EIF4G3: variants seen among roughly 807,000 people sequenced by gnomAD.
The protein encoded by EIF4G3 is eukaryotic translation initiation factor 4 gamma 3.
A neutral mutation model predicts 186.4 loss-of-function variants in EIF4G3; 34 were observed. That is an observed-to-expected ratio of 0.18 (90% CI 0.14 to 0.24). The LOEUF (loss-of-function observed/expected upper bound fraction) is 0.24. EIF4G3 is among the 10% of genes least tolerant of loss of function. EIF4G3 has a pLI of 1.00. For missense variants in EIF4G3, 1,536 were observed against 1,948.5 expected, an observed-to-expected ratio of 0.79 and a Z score of 3.99; for synonymous variants, 673 against 679.5, an observed-to-expected ratio of 0.99 and a Z score of 0.15.
intron 22 of EIF4G3, 58 bp downstream of exon 22, chr1:20,864,418 G>C: frequency 8.0e-7 from 1 of 1,256,862 alleles, no homozygotes; most frequent in Non-Finnish European, 1.2e-6. Flanking sequence ...GACAGTCTAA[G>C]TTCTTTTGCA....
At chr1:20,938,477 T>C (rs890889044) in intron 14 of EIF4G3, among the ~76,000 whole-genome samples, 1 of 152,168 alleles carries the variant, frequency 6.6e-6, no homozygotes, top group Non-Finnish European at 1.5e-5. Context: ...TTTGAGGTGT[T>C]TCATCCTCAG....
At chr1:20,831,511 C>T (rs543196567) in intron 30 of EIF4G3, among the ~76,000 whole-genome samples, 1 of 151,604 alleles carries the variant, frequency 6.6e-6, no homozygotes, top group African/African-American at 2.4e-5. Flanking sequence ...CTTCTGCCAA[C>T]CTGATCGATT....
rs1263914474 is a variant in EIF4G3, at chr1:21,176,256, G to A, written c.-353C>T. On this transcript the variant is annotated 5_prime_UTR_variant, in exon 2 of 37. Coordinates refer to ENST00000602326, the MANE Select transcript of EIF4G3 (RefSeq NM_001391906.1). Reference sequence around the variant, plus strand: ...TGCCGCCGCCGCCGCCGCCGCCGCCGCCGCCGCCGCTGCTGCCGCCGCCGG... The same window carrying A: ...TGCCGCCGCCGCCGCCGCCGCCGCCACCGCCGCCGCTGCTGCCGCCGCCGG... 2 of 379,546 alleles carry A rather than the reference G, an allele frequency of 5.3e-6. No homozygotes were observed. Among genetic ancestry groups the A allele is most frequent in the South Asian group, 8.2e-5 (1 of 12,156 alleles). 23.5% of individuals were successfully genotyped at this position (379,546 alleles called of 1,614,324 possible).
At chr1:20,857,162 CAAAAAAAAA>C (rs577290987) in intron 25 of EIF4G3, among the ~76,000 whole-genome samples, 1 of 47,362 alleles carries the variant, frequency 2.1e-5, no homozygotes, top group Non-Finnish European at 3.6e-5. Context: ...GACTCCATCT[CAAAAAAAAA>C]AAAAAAAAGA....
At chr1:21,056,827 T>A (rs964530266) in intron 3 of EIF4G3, among the ~76,000 whole-genome samples, 1 of 152,202 alleles carries the variant, frequency 6.6e-6, no homozygotes, top group African/African-American at 2.4e-5. Context: ...GTAGAACAGC[T>A]GAAAACAGCA....
chr1:20,977,185 A>G (rs1199041177), intron 10 of EIF4G3, among the ~76,000 whole-genome samples: 1 of 151,610 alleles, frequency 6.6e-6, no homozygotes, highest in African/African-American at 2.4e-5. Context: ...ACTCTATATT[A>G]TTGAAATTTT....
intron 2 of EIF4G3, among the ~76,000 whole-genome samples, chr1:21,147,340 T>G (rs181555340): frequency 6.6e-6 from 1 of 152,210 alleles, no homozygotes; most frequent in Admixed American, 6.5e-5. Flanking sequence ...GTTTGTTTTT[T>G]GTTTGTTTTT....
intron 4 of EIF4G3, among the ~76,000 whole-genome samples, chr1:21,024,898 A>AT (rs1362126570): frequency 8.4e-6 from 1 of 118,962 alleles, no homozygotes; most frequent in Non-Finnish European, 1.9e-5. Flanking sequence ...AAAAAAATAA[A>AT]TTTAAAAAAA....
intron 4 of EIF4G3, among the ~76,000 whole-genome samples, chr1:21,014,125 T>C (rs1161857561): frequency 6.6e-6 from 1 of 152,110 alleles, no homozygotes; most frequent in Non-Finnish European, 1.5e-5. Flanking sequence ...GCCGAGATCA[T>C]GCCACTGCAC....
At chr1:20,911,444 C>G (rs956725008) in intron 14 of EIF4G3, among the ~76,000 whole-genome samples, 2 of 151,034 alleles carry the variant, frequency 1.3e-5, no homozygotes, top group Non-Finnish European at 2.9e-5. Context: ...AGCTTGTCAT[C>G]CCAGCTTCTC....
At chr1:21,051,658 C>T (rs2094219596) in intron 3 of EIF4G3, among the ~76,000 whole-genome samples, 1 of 152,132 alleles carries the variant, frequency 6.6e-6, no homozygotes, top group African/African-American at 2.4e-5. Context: ...TTCAGACCAG[C>T]CTGTGCAACA....
intron 3 of EIF4G3, among the ~76,000 whole-genome samples, chr1:21,059,106 A>G (rs1236806997): frequency 6.6e-6 from 1 of 152,300 alleles, no homozygotes; most frequent in East Asian, 1.9e-4. Flanking sequence ...TTCAGCAACA[A>G]ATGATTCCTA....
intron 19 of EIF4G3, among the ~76,000 whole-genome samples, chr1:20,882,580 C>G (rs1013283726): frequency 1.3e-5 from 2 of 150,084 alleles, no homozygotes; most frequent in African/African-American, 4.9e-5. Flanking sequence ...GAGATCGCGT[C>G]ACTGTACTCC....
At position 20,941,537 on chromosome 1, in the gene EIF4G3, C is replaced by G. The variant is rs1247477269; in HGVS notation, c.1617G>C (p.Glu539Asp). ...AATTTAAGTTTTGAGAATCCAAAAT[C>G]TCTTCTGTTTGCCCATCTGCTTCTA... ...IEVEADGQTE[E>D]ILDSQNLNSR... Residue 539 changes from glutamate to aspartate, a missense_variant, in exon 14 of 37, where the codon GAG becomes GAC. Glu to Asp is a conservative substitution (Grantham distance 45). Coordinates refer to ENST00000602326, the MANE Select transcript of EIF4G3 (RefSeq NM_001391906.1). The G allele has an allele frequency of 6.2e-7, 1 of 1,612,324 alleles. No homozygotes were observed. The highest frequency in any genetic ancestry group is 1.1e-5 in the South Asian group (1 of 90,670).
At chr1:20,962,625 A>G (rs936823646) in intron 12 of EIF4G3, among the ~76,000 whole-genome samples, 8 of 152,152 alleles carry the variant, frequency 5.3e-5, no homozygotes, top group Non-Finnish European at 1.0e-4. Context: ...GGCACTCTGT[A>G]TGGGTCCCAT....
intron 3 of EIF4G3, among the ~76,000 whole-genome samples, chr1:21,052,302 T>C (rs903308397): frequency 2.6e-5 from 4 of 152,336 alleles, no homozygotes; most frequent in Non-Finnish European, 5.9e-5. Flanking sequence ...TTAACACTGA[T>C]GGTTTTGCAA....
chr1:21,039,030 A>C (rs1209193616), intron 4 of EIF4G3, among the ~76,000 whole-genome samples: 1 of 152,230 alleles, frequency 6.6e-6, no homozygotes, highest in Non-Finnish European at 1.5e-5. Context: ...AAACGTCTCA[A>C]ACCTGGATTT....
chr1:20,861,777 C>A (rs187026122), intron 23 of EIF4G3, among the ~76,000 whole-genome samples: 122 of 152,224 alleles, frequency 8.0e-4, no homozygotes, highest in Non-Finnish European at 1.5e-3. Context: ...AGTTCCAGAC[C>A]AGCCTGGCCA....
intron 4 of EIF4G3, among the ~76,000 whole-genome samples, chr1:21,024,016 G>A (rs1482628488): frequency 1.3e-5 from 2 of 148,924 alleles, no homozygotes; most frequent in Non-Finnish European, 3.0e-5. Flanking sequence ...GAGACCCTCT[G>A]CCTGGCAACC....
Sources: allele counts gnomAD v4.1 joint callset (sites outside exome capture counted in the v4.1 genomes callset), GRCh38; gene constraint gnomAD v4.1.1; transcripts MANE v1.5; gene names NCBI Gene and HGNC (gene_info 2026-07-23, HGNC 2026-07-21).